Variants in ITSN2 observed in about 807,000 individuals in gnomAD.
ITSN2 encodes the protein intersectin-2.
ITSN2 carries 156 observed loss-of-function variants against 243.7 expected under a neutral mutation model. The ratio of observed to expected loss-of-function variants is 0.64; its 90% CI spans 0.56 to 0.73. The LOEUF is 0.73. Ranked by LOEUF, ITSN2 falls within the 30% of genes least tolerant of loss-of-function variation. ITSN2 has a pLI of 0.00. For missense variants in ITSN2, 1,801 were observed against 1,996.1 expected (o/e 0.90, Z 1.86); for synonymous variants, 703 against 699.9 (o/e 1.00, Z -0.07).
At chr2:24,244,736 T>C (rs1464204390) in intron 29 of ITSN2, among the ~76,000 whole-genome samples, 1 of 152,200 alleles carries the variant, frequency 6.6e-6, no homozygotes, top group East Asian at 1.9e-4. Flanking sequence ...ATTTTCTTTA[T>C]CACTTCTGAA....
At chr2:24,288,028 T>G (rs1416005694) in intron 15 of ITSN2, among the ~76,000 whole-genome samples, 1 of 152,122 alleles carries the variant, frequency 6.6e-6, no homozygotes, top group African/African-American at 2.4e-5. Context: ...GTGCAGAAAC[T>G]TTTTAGTTTG....
intron 32 of ITSN2, among the ~76,000 whole-genome samples, chr2:24,213,942 T>C (rs1341371231): frequency 6.6e-6 from 1 of 152,238 alleles, no homozygotes; most frequent in Non-Finnish European, 1.5e-5. Flanking sequence ...TAATCATTTA[T>C]TGAATGCTAA....
chr2:24,331,049 G>A (rs1685727534), intron 1 of ITSN2, among the ~76,000 whole-genome samples: 1 of 147,758 alleles, frequency 6.8e-6, no homozygotes. Flanking sequence ...TTATAGGCAT[G>A]AGCCACTGCA....
At chr2:24,360,069 C>A (rs1442593019) in intron 1 of ITSN2, among the ~76,000 whole-genome samples, 1 of 152,046 alleles carries the variant, frequency 6.6e-6, no homozygotes, top group African/African-American at 2.4e-5. Flanking sequence ...CAGGCCCCCT[C>A]GGCGTCTGTC....
At chr2:24,276,662 G>T (rs1383721796) in intron 17 of ITSN2, among the ~76,000 whole-genome samples, 1 of 152,058 alleles carries the variant, frequency 6.6e-6, no homozygotes, top group South Asian at 2.1e-4. Flanking sequence ...ATCTTACGTG[G>T]TTTTAAAAGG....
At chr2:24,257,825 T>C (rs1475188325) in intron 23 of ITSN2, 63 bp downstream of exon 23, 48 of 1,217,578 alleles carry the variant, frequency 3.9e-5, no homozygotes, top group Non-Finnish European at 5.6e-5. Flanking sequence ...AATCAGACCA[T>C]GGCTGACTCA....
At chr2:24,234,714 T>G (rs939071182) in intron 29 of ITSN2, among the ~76,000 whole-genome samples, 1 of 152,164 alleles carries the variant, frequency 6.6e-6, no homozygotes, top group African/African-American at 2.4e-5. Flanking sequence ...GAAAAAGATA[T>G]GCAGATGGCA....
intron 35 of ITSN2, among the ~76,000 whole-genome samples, chr2:24,209,582 G>A (rs1433959603): frequency 6.6e-6 from 1 of 152,204 alleles, no homozygotes; most frequent in East Asian, 1.9e-4. Context: ...CAGGTGTCAC[G>A]CTGGCCAGGA....
intron 17 of ITSN2, among the ~76,000 whole-genome samples, chr2:24,279,914 A>G (rs918277593): frequency 6.6e-6 from 1 of 150,862 alleles, no homozygotes; most frequent in Non-Finnish European, 1.5e-5. Flanking sequence ...TTGTATTTTT[A>G]GTAGAGATGA....
At chr2:24,233,869 A>G (rs1671860929) in intron 29 of ITSN2, among the ~76,000 whole-genome samples, 1 of 152,206 alleles carries the variant, frequency 6.6e-6, no homozygotes, top group African/African-American at 2.4e-5. Flanking sequence ...TCTTTGAAAG[A>G]GTAAGTGATT....
intron 29 of ITSN2, among the ~76,000 whole-genome samples, chr2:24,243,274 T>C (rs1343848306): frequency 2.6e-5 from 4 of 152,178 alleles, no homozygotes; most frequent in Non-Finnish European, 4.4e-5. Context: ...TTGTCTTGTC[T>C]TGTTTGTATT....
At chr2:24,279,726 C>CTTTTT (rs955431908) in intron 17 of ITSN2, among the ~76,000 whole-genome samples, 149 of 78,236 alleles carry the variant, frequency 1.9e-3, no homozygotes, top group Non-Finnish European at 2.3e-3. Flanking sequence ...TGTGAATTTT[C>CTTTTT]TTTTTTTTTT....
intron 20 of ITSN2, among the ~76,000 whole-genome samples, chr2:24,265,035 C>T (rs1676499402): frequency 6.6e-6 from 1 of 152,090 alleles, no homozygotes; most frequent in African/African-American, 2.4e-5. Flanking sequence ...ACGCAATCTT[C>T]CCATTTTGGT....
At chr2:24,336,205 G>A (rs2151883002) in intron 1 of ITSN2, among the ~76,000 whole-genome samples, 1 of 144,128 alleles carries the variant, frequency 6.9e-6, no homozygotes, top group Middle Eastern at 3.7e-3. Context: ...TGGAGCCACT[G>A]CACTCCAGCC....
chr2:24,261,512 T>G, intron 21 of ITSN2, 49 bp downstream of exon 21: 1 of 1,382,080 alleles, frequency 7.2e-7, no homozygotes, highest in Non-Finnish European at 1.0e-6. Context: ...TATTAGGTAT[T>G]TACACATTTG....
intron 15 of ITSN2, among the ~76,000 whole-genome samples, chr2:24,291,488 CCTT>C (rs1285037031): frequency 1.3e-4 from 13 of 97,198 alleles, no homozygotes; most frequent in Admixed American, 3.2e-4. Flanking sequence ...TCTTCTTCTT[CCTT>C]TTTTTTTTTT....
chr2:24,229,896 G>A (rs907056955), intron 29 of ITSN2, among the ~76,000 whole-genome samples: 2 of 151,850 alleles, frequency 1.3e-5, no homozygotes, highest in Non-Finnish European at 2.9e-5. Flanking sequence ...GCCCTTCCAC[G>A]GCTCCTTTGC....
chr2:24,274,693 T>C (rs768280650), intron 18 of ITSN2, among the ~76,000 whole-genome samples: 7 of 152,148 alleles, frequency 4.6e-5, no homozygotes, highest in South Asian at 2.1e-4. Flanking sequence ...CAGCCAACAA[T>C]AGCCACTCAA....
At chr2:24,358,006 C>T (rs1279449476) in intron 1 of ITSN2, among the ~76,000 whole-genome samples, 1 of 152,242 alleles carries the variant, frequency 6.6e-6, no homozygotes, top group African/African-American at 2.4e-5. Context: ...CCTCCGCCTC[C>T]CGGGTTCAAC....
Sources: allele counts gnomAD v4.1 joint callset (sites outside exome capture counted in the v4.1 genomes callset), GRCh38; gene constraint gnomAD v4.1.1; transcripts MANE v1.5; gene names NCBI Gene and HGNC (gene_info 2026-07-23, HGNC 2026-07-21).